FAM133B: variants seen among roughly 807,000 people sequenced by gnomAD.
FAM133B encodes the protein family with sequence similarity 133 member B, also known as protein FAM133B.
A neutral mutation model predicts 46.4 loss-of-function variants in FAM133B; 25 were observed. That is an observed-to-expected ratio of 0.54 (90% CI 0.39 to 0.75). FAM133B has a LOEUF of 0.75. FAM133B is among the 30% of genes least tolerant of loss of function. The pLI, the probability that FAM133B is intolerant of heterozygous loss-of-function variation, is 0.00. For missense variants in FAM133B, 205 were observed against 277.6 expected, an observed-to-expected ratio of 0.74 and a Z score of 1.86; for synonymous variants, 75 against 86.0, an observed-to-expected ratio of 0.87 and a Z score of 0.71.
chr7:92,564,145 T>C (rs1201992156), intron 10 of FAM133B, among the ~76,000 whole-genome samples: 5 of 152,184 alleles, frequency 3.3e-5, no homozygotes, highest in Admixed American at 2.0e-4. Context: ...TACCTTCTCT[T>C]AGTCCCTCAA....
chr7:92,578,488 T>G, intron 3 of FAM133B, 95 bp from the exon 4 acceptor site: 1 of 1,040,960 alleles, frequency 9.6e-7, no homozygotes, highest in East Asian at 2.6e-5. Context: ...CTCCATCCTC[T>G]TAATACCTCT....
At position 92,575,757 on chromosome 7, in the gene FAM133B, AAAAGT is replaced by A. The variant is rs1485601642; in HGVS notation, c.516+9_516+13del. 7.5e-7 allele frequency: 1 copy of A among 1,335,676 alleles called. No homozygotes were observed. Among genetic ancestry groups the A allele is most frequent in the South Asian group, 1.2e-5 (1 of 83,290 alleles). 82.7% of individuals were successfully genotyped at this position (1,335,676 alleles called of 1,614,324 possible). ...ATGACAGACTATCTTAAGGCAATGT[AAAAGT>A]ATAGTTACCTTTTCTTTCTCAGTTC... is the stretch of plus-strand genomic sequence containing the variant. On this transcript the variant is annotated intron_variant, in intron 8 of 10. Transcript: ENST00000445716.
chr7:92,576,894 A>G (rs1479295305), intron 7 of FAM133B, among the ~76,000 whole-genome samples: 3 of 152,208 alleles, frequency 2.0e-5, no homozygotes, highest in African/African-American at 7.2e-5. Flanking sequence ...TTGCCATGGA[A>G]ATGTGGAGAC....
chr7:92,583,084 T>C (rs1448928248), intron 1 of FAM133B, among the ~76,000 whole-genome samples: 1 of 152,182 alleles, frequency 6.6e-6, no homozygotes, highest in Non-Finnish European at 1.5e-5. Context: ...CAAATGTCCA[T>C]CTATGGATAA....
intron 7 of FAM133B, among the ~76,000 whole-genome samples, chr7:92,576,575 T>TA (rs1180994805): frequency 6.6e-6 from 1 of 152,200 alleles, no homozygotes; most frequent in Non-Finnish European, 1.5e-5. Context: ...GGGCATCTGT[T>TA]AAAGACGTAG....
chr7:92,578,162 CTTCT>C lies in FAM133B; in HGVS notation c.293_296del (p.Lys98ArgfsTer60), dbSNP rs1562894856. 1 of 1,609,546 alleles carries C rather than the reference CTTCT, an allele frequency of 6.2e-7. No homozygotes were observed. The highest frequency in any genetic ancestry group is 8.5e-7 in the Non-Finnish European group (1 of 1,178,162). On this transcript the variant is annotated frameshift_variant, in exon 5 of 11. Coordinates refer to ENST00000445716, the MANE Select transcript of FAM133B (RefSeq NM_152789.4). LOFTEE classifies it high-confidence loss of function. Reference sequence around the variant, plus strand: ...AATTTTTGCTCACCCTACCAGATTTCTTCTTTTCTTTTTTCTTTCTCTAAATGGA... The same window carrying C: ...AATTTTTGCTCACCCTACCAGATTTCTTTCTTTTTTCTTTCTCTAAATGGA...
intron 9 of FAM133B, among the ~76,000 whole-genome samples, chr7:92,568,019 C>T (rs1562889506): frequency 6.6e-6 from 1 of 152,158 alleles, no homozygotes. Context: ...CTGCCTTGGC[C>T]TCCCAAAGTG....
chr7:92,577,584 C>T (rs1294799333), intron 6 of FAM133B, 71 bp downstream of exon 6: 16 of 1,282,502 alleles, frequency 1.2e-5, no homozygotes, highest in African/African-American at 1.5e-5. Flanking sequence ...AGATATTTCA[C>T]AATGGGTTTC....
At chr7:92,569,658 GA>G (rs1386907361) in intron 9 of FAM133B, 164 bp downstream of exon 9, 2 of 380,314 alleles carry the variant, frequency 5.3e-6, no homozygotes, top group Non-Finnish European at 9.6e-6. Flanking sequence ...TTATCTTCTG[GA>G]AAAAAGCAAA....
chr7:92,576,739 G>A (rs1372545833), intron 7 of FAM133B, among the ~76,000 whole-genome samples: 1 of 152,126 alleles, frequency 6.6e-6, no homozygotes, highest in East Asian at 1.9e-4. Context: ...AACAAATTTA[G>A]GTACGGTATA....
At chr7:92,585,045 T>C (rs1203252118) in intron 1 of FAM133B, among the ~76,000 whole-genome samples, 1 of 152,172 alleles carries the variant, frequency 6.6e-6, no homozygotes, top group Non-Finnish European at 1.5e-5. Context: ...GCAACCTGGC[T>C]TGATGTGCAA....
chr7:92,581,454 A>G, intron 2 of FAM133B, 52 bp downstream of exon 2: 2 of 1,462,104 alleles, frequency 1.4e-6, no homozygotes, highest in Non-Finnish European at 1.9e-6. Context: ...TTAAGAATAA[A>G]CTTTAAAAAG....
At chr7:92,585,677 A>C (rs1413071003) in intron 1 of FAM133B, among the ~76,000 whole-genome samples, 4 of 152,222 alleles carry the variant, frequency 2.6e-5, no homozygotes, top group Non-Finnish European at 5.9e-5. Context: ...AAAATGAAAG[A>C]ATTATTTTAA....
In FAM133B at chr7:92,566,158, T is replaced by C. The variant is rs1037263593; in HGVS notation, c.610-97A>G. 9 of 1,127,004 alleles carry C rather than the reference T, an allele frequency of 8.0e-6. No homozygotes were observed. The Admixed American group carries it at 2.1e-4, about 26-fold the overall frequency. The allele number at this position is 1,127,004 out of a possible 1,614,324, so 69.8% of individuals were successfully genotyped here. A position where few individuals can be genotyped will look rare whatever the true frequency, so the allele number is the denominator to read the frequency against. On this transcript the variant is annotated intron_variant, in intron 9 of 10. Transcript: ENST00000445716. ...TTCTCTATCTTGCATCTTCAAAATT[T>C]AAATGTAAAAAACATTTTGACAATC... is the stretch of plus-strand genomic sequence containing the variant.
intron 1 of FAM133B, 76 bp downstream of exon 1, chr7:92,590,192 C>G: frequency 4.3e-6 from 7 of 1,610,460 alleles, no homozygotes; most frequent in Non-Finnish European, 5.9e-6. Flanking sequence ...CCGGCCCGGC[C>G]GGGAACAGCG....
chr7:92,568,694 C>T (rs1386639048), intron 9 of FAM133B, among the ~76,000 whole-genome samples: 2 of 152,060 alleles, frequency 1.3e-5, no homozygotes, highest in African/African-American at 2.4e-5. Flanking sequence ...CAGGCATTTA[C>T]ACTGAAATAC....
In FAM133B at chr7:92,562,162, A is replaced by C. The variant is rs1794177216; in HGVS notation, c.*120T>G. 2 of 1,271,036 alleles carry C rather than the reference A, an allele frequency of 1.6e-6. No homozygotes were observed. Among genetic ancestry groups the C allele is most frequent in the East Asian group, 5.2e-5 (2 of 38,388 alleles). 78.7% of individuals were successfully genotyped at this position (1,271,036 alleles called of 1,614,324 possible). A position where few individuals can be genotyped will look rare whatever the true frequency, so the allele number is the denominator to read the frequency against. ...CATCTGAGTGGCTACTGAATAGTCC[A>C]GGAATAATTCCAAAAACAAGAAAAT... On this transcript the variant is annotated 3_prime_UTR_variant, in exon 11 of 11. Transcript: ENST00000445716.
At chr7:92,577,058 T>C in intron 7 of FAM133B, 45 bp downstream of exon 7, 1 of 1,221,790 alleles carries the variant, frequency 8.2e-7, no homozygotes, top group Non-Finnish European at 1.1e-6. Flanking sequence ...AAAAACTTAA[T>C]TAAATGTCTT....
intron 1 of FAM133B, chr7:92,589,949 G>A (rs898471888): frequency 4.8e-5 from 22 of 456,096 alleles, no homozygotes; most frequent in Non-Finnish European, 8.3e-5. Flanking sequence ...GGTGTGGGGG[G>A]GGTTCCCCGA....
Sources: gnomAD v4.1 joint callset for allele counts (sites outside exome capture counted in the v4.1 genomes callset) on GRCh38, gnomAD v4.1.1 for gene constraint, MANE v1.5 for transcripts, NCBI Gene and HGNC (gene_info 2026-07-23, HGNC 2026-07-21) for gene names.